The following MDC1 variants were observed in gnomAD, a reference collection of about 807,000 sequenced individuals.
The protein encoded by MDC1 is mediator of DNA damage checkpoint 1, also known as mediator of DNA damage checkpoint protein 1.
A neutral mutation model predicts 142.5 loss-of-function variants in MDC1; 81 were observed. The ratio of observed to expected loss-of-function variants is 0.57; its 90% confidence interval spans 0.47 to 0.68. The LOEUF (loss-of-function observed/expected upper bound fraction) is 0.68. Among genes scored for constraint, MDC1 ranks in the 30% least tolerant of loss-of-function variants. The pLI, the probability that MDC1 is intolerant of heterozygous loss-of-function variation, is 0.00. For missense variants in MDC1, 2,119 were observed against 2,547.9 expected (o/e 0.83, Z 3.62); for synonymous variants, 797 against 968.4 (o/e 0.82, Z 3.29).
chr6:30,705,474 C>G lies in MDC1; in HGVS notation c.3709G>C (p.Val1237Leu), dbSNP rs971412514. 1.2e-6 allele frequency: 2 copies of G among 1,604,424 alleles called. No homozygotes were observed. Among genetic ancestry groups the G allele is most frequent in the African/African-American group, 1.4e-5 (1 of 72,928 alleles). ...ATRGRKNRSSVKTPEPVVPTA... is the reference protein window; with the variant it reads ...ATRGRKNRSSLKTPEPVVPTA... ...GGGACAACTGGTTCAGGGGTCTTGA[C>G]AGAGGATCTATTTTTTCTTCCCCTA... is the stretch of plus-strand genomic sequence containing the variant. The change falls in exon 10 of 15, where the codon GTC (valine) becomes CTC (leucine). Residue 1237 changes from valine (V) to leucine (L), a missense_variant. By Grantham distance (32) the Val-to-Leu change is conservative. Transcript: ENST00000376406.
Position 30,713,372 on chromosome 6 carries a change from G to C in MDC1, c.588-18C>G. 1 of 1,541,688 alleles carries C rather than the reference G, an allele frequency of 6.5e-7. No individual in the cohort carries two copies. Among genetic ancestry groups the C allele is most frequent in the South Asian group, 1.2e-5 (1 of 80,534 alleles). ...CTTCATCACTGTGAAGGGAAGAAAA[G>C]AGAGTCTATAGAATTTATTTCCCTG... On this transcript the variant is annotated intron_variant, in intron 4 of 14. Coordinates refer to ENST00000376406, the MANE Select transcript of MDC1 (RefSeq NM_014641.3). The surrounding 1 kb of genome is among the most constrained non-coding windows in gnomAD (Gnocchi z 4.9).
intron 9 of MDC1, among the ~76,000 whole-genome samples, chr6:30,706,669 G>A (rs528081381): frequency 7.1e-6 from 1 of 140,936 alleles, no homozygotes; most frequent in South Asian, 2.3e-4. Flanking sequence ...GTTGGCAGGC[G>A]CCTAGTAGTC....
In MDC1 at chr6:30,702,548, C is replaced by A; in HGVS notation, c.6102+5G>T. 1 of 1,559,454 alleles carries A rather than the reference C, an allele frequency of 6.4e-7. No homozygotes were observed. Among genetic ancestry groups the A allele is most frequent in the Non-Finnish European group, 8.7e-7 (1 of 1,155,868 alleles). On this transcript the variant is annotated splice_donor_5th_base_variant and intron_variant, in intron 14 of 14. Transcript: ENST00000376406. ...TCACCCAGACCCAGAACATCCTAAG[C>A]ATACCTTATAGGACCGAGGCATGCT...
At position 30,712,800 on chromosome 6, in the gene MDC1, T is replaced by C; in HGVS notation, c.1142A>G (p.Glu381Gly). ...ESQAGSDTDV[E>G]EGKAPQAVPL... Reference sequence around the variant, plus strand: ...GACAGCCTGTGGGGCCTTGCCTTCTTCCACATCTGTATCACTACCAGCCTG... The same window carrying C: ...GACAGCCTGTGGGGCCTTGCCTTCTCCCACATCTGTATCACTACCAGCCTG... The change falls in exon 5 of 15, where the codon GAA becomes GGA. Residue 381 changes from glutamate to glycine, a missense_variant. Transcript: ENST00000376406. The surrounding 1 kb of genome is among the most constrained non-coding windows in gnomAD (Gnocchi z 4.7). The C allele has an allele frequency of 6.2e-7, 1 of 1,612,956 alleles. No homozygotes were observed.
Position 30,700,263 on chromosome 6 carries a change from T to C in MDC1, c.*202A>G, listed in dbSNP as rs1323332245. 1 of 453,218 alleles carries C rather than the reference T, an allele frequency of 2.2e-6. No individual in the cohort carries two copies. The allele number at this position is 453,218 out of a possible 1,614,324, so 28.1% of individuals were successfully genotyped here. On this transcript the variant is annotated 3_prime_UTR_variant, in exon 15 of 15. Coordinates refer to ENST00000376406, the MANE Select transcript of MDC1 (RefSeq NM_014641.3). ...AAATACAAATAAAATAAAATGGCCA[T>C]TAAAAAAACAAACAAACAAACAAAA...
At position 30,716,773 on chromosome 6, in the gene MDC1, A is replaced by G. The variant is rs138372816; in HGVS notation, c.-4+472T>C. On this transcript the variant is annotated intron_variant, in intron 1 of 14. Coordinates refer to ENST00000376406, the MANE Select transcript of MDC1 (RefSeq NM_014641.3). The surrounding 1 kb of genome is among the most constrained non-coding windows in gnomAD (Gnocchi z 4.4). Reference sequence around the variant, plus strand: ...TACCTGTTTGAAGTATTTGGTATACATCTGTGAACCAAACATGAAATCGAC... The same window carrying G: ...TACCTGTTTGAAGTATTTGGTATACGTCTGTGAACCAAACATGAAATCGAC... 4,669 of 285,518 alleles carry G rather than the reference A, an allele frequency of 0.016. 57 individuals carry two copies. The highest frequency in any genetic ancestry group is 0.059 in the South Asian group (442 of 7,470). 17.7% of individuals were successfully genotyped at this position (285,518 alleles called of 1,614,324 possible). A position where few individuals can be genotyped will look rare whatever the true frequency, so the allele number is the denominator to read the frequency against.
Position 30,703,760 on chromosome 6 carries a change from G to C in MDC1, c.5423C>G (p.Ser1808Cys). Residue 1808 changes from serine to cysteine, a missense_variant, in exon 10 of 15, where the codon TCT (serine) becomes TGT (cysteine). Ser to Cys is a moderately radical substitution (Grantham distance 112, BLOSUM62 -1). Coordinates refer to ENST00000376406, the MANE Select transcript of MDC1 (RefSeq NM_014641.3). The surrounding 1 kb of genome is among the most constrained non-coding windows in gnomAD (Gnocchi z 4.4). ...AGCTAAAGACCTCTTGCGGCTTTGAGAGGCCTTAGGCTGGAGCTCCGGGGT... is the reference window on the plus strand; with the variant it reads ...AGCTAAAGACCTCTTGCGGCTTTGACAGGCCTTAGGCTGGAGCTCCGGGGT... ...RFTPELQPKA[S>C]QSRKRSLATM... The C allele has an allele frequency of 6.4e-7, 1 of 1,551,240 alleles. No homozygotes were observed. The highest frequency in any genetic ancestry group is 8.7e-7 in the Non-Finnish European group (1 of 1,152,906).
intron 14 of MDC1, among the ~76,000 whole-genome samples, chr6:30,701,393 C>G (rs149086365): frequency 0.027 from 4,035 of 150,064 alleles, 82 homozygotes; most frequent in Middle Eastern, 0.092. Flanking sequence ...GAGTGAGACT[C>G]TCTCAAAAAA....
Position 30,713,756 on chromosome 6 carries a change from CTCATTAT to C in MDC1, c.517+40_518-40del. On this transcript the variant is annotated intron_variant, in intron 3 of 14. Coordinates refer to ENST00000376406, the MANE Select transcript of MDC1 (RefSeq NM_014641.3). This position sits in a 1 kb window ranked among gnomAD's most constrained non-coding sequence, Gnocchi z 4.9. ...AAAGGAATGAGTTGACAATTGTACACTCATTATTCCTGTCTCCTCATTCTCCCTGCCA... is the reference window on the plus strand; with the variant it reads ...AAAGGAATGAGTTGACAATTGTACACTCCTGTCTCCTCATTCTCCCTGCCA... 6.2e-7 allele frequency: 1 copy of C among 1,613,634 alleles called. No individual in the cohort carries two copies. Among genetic ancestry groups the C allele is most frequent in the Non-Finnish European group, 8.5e-7 (1 of 1,179,626 alleles).
At position 30,705,753 on chromosome 6, in the gene MDC1, G is replaced by A; in HGVS notation, c.3430C>T (p.Gln1144Ter). 2 of 1,613,378 alleles carry A rather than the reference G, an allele frequency of 1.2e-6. No individual in the cohort carries two copies. Among genetic ancestry groups the A allele is most frequent in the Non-Finnish European group, 1.7e-6 (2 of 1,179,568 alleles). The stretch of plus-strand genomic sequence containing the variant: ...CTATTTGTCCTGCTCCTAGTGGCCT[G>A]AGATGTGGGCTTGGGAGTGACTGGC... ...AQPVTPKPTS[Q>*]ATRSRTNRSS... The change falls in exon 10 of 15, where the codon CAG becomes TAG. Residue 1144 changes from glutamine to a stop codon, truncating the protein, a stop_gained. Transcript: ENST00000376406. LOFTEE classifies it high-confidence loss of function.
chr6:30,713,878 C>T lies in MDC1; in HGVS notation c.442G>A (p.Glu148Lys). ...TCTCCCTGTACTCTGGGTGTCTCTT[C>T]TACTGTCAGAGGGCCCCGGGAGACA... ...PFVSRGPLTVEETPRVQGETQ... is the reference protein window; with the variant it reads ...PFVSRGPLTVKETPRVQGETQ... Residue 148 changes from glutamate to lysine, a missense_variant, in exon 3 of 15, where the codon GAA (glutamate) becomes AAA (lysine). Transcript: ENST00000376406. This position sits in a 1 kb window ranked among gnomAD's most constrained non-coding sequence, Gnocchi z 4.9. The T allele has an allele frequency of 1.9e-6, 3 of 1,614,068 alleles. No individual in the cohort carries two copies. Among genetic ancestry groups the T allele is most frequent in the Non-Finnish European group, 2.5e-6 (3 of 1,180,036 alleles).
rs1383842367 is a variant in MDC1, at chr6:30,699,944, GA to G, written c.*520del. The G allele has an allele frequency of 1.8e-5, 4 of 225,768 alleles. No individual in the cohort carries two copies. Among genetic ancestry groups the G allele is most frequent in the Non-Finnish European group, 2.6e-5 (3 of 113,490 alleles). 14.0% of individuals were successfully genotyped at this position (225,768 alleles called of 1,614,324 possible). ...AAAGATGCTTCCAGAGGCCAGGAGA[GA>G]AGAAAATGTTTTAGTAGCACTCCAT... On this transcript the variant is annotated 3_prime_UTR_variant, in exon 15 of 15. Coordinates refer to ENST00000376406, the MANE Select transcript of MDC1 (RefSeq NM_014641.3).
At chr6:30,706,619 CTAAAAAA>C (rs1562100899) in intron 9 of MDC1, among the ~76,000 whole-genome samples, 1,933 of 40,472 alleles carry the variant, frequency 0.048, 29 homozygotes, top group South Asian at 0.23. Flanking sequence ...AAGACTCTGT[CTAAAAAA>C]AAAAAAAAAA....
At chr6:30,710,385 G>A (rs562728636) in intron 7 of MDC1, among the ~76,000 whole-genome samples, 51 of 151,944 alleles carry the variant, frequency 3.4e-4, no homozygotes, top group African/African-American at 1.2e-3. Context: ...CACTGTGCCC[G>A]GCCTACATTT....
chr6:30,706,034 TG>T lies in MDC1; in HGVS notation c.3148del (p.Gln1050LysfsTer66), dbSNP rs777994510. 4 of 1,598,098 alleles carry T rather than the reference TG, an allele frequency of 2.5e-6. No homozygotes were observed. ...CTGGCTCTGAGAGTTAAGGGGCTTT[TG>T]GGGTGGGGCTGGGGCTTCAGGTACT... ...PTVPEAPAPPQKPLNSQSQKH... is the reference protein window; with the variant it reads ...PTVPEAPAPPXKPLNSQSQKH... On this transcript the variant is annotated frameshift_variant, in exon 10 of 15. Coordinates refer to ENST00000376406, the MANE Select transcript of MDC1 (RefSeq NM_014641.3). LOFTEE classifies it high-confidence loss of function.
In MDC1 at chr6:30,700,490, G is replaced by A. The variant is rs1772434570; in HGVS notation, c.6245C>T (p.Ser2082Phe). Residue 2082 changes from serine to phenylalanine, a missense_variant, in exon 15 of 15, where the codon TCC becomes TTC. Transcript: ENST00000376406. ...QEAKPEAFVL[S>F]PLEMSST ...TCAGGTGGATGACATCTCCAAAGGG[G>A]AGAGGACAAAGGCCTCTGGCTTGGC... is the stretch of plus-strand genomic sequence containing the variant. 1 of 1,612,788 alleles carries A rather than the reference G, an allele frequency of 6.2e-7. No homozygotes were observed. The highest frequency in any genetic ancestry group is 1.7e-5 in the Admixed American group (1 of 59,982).
chr6:30,715,048 G>A lies in MDC1; in HGVS notation c.128C>T (p.Pro43Leu). Residue 43 changes from proline to leucine, a missense_variant, in exon 2 of 15, where the codon CCA becomes CTA. Physicochemically the swap from Pro to Leu is moderately conservative, Grantham distance 98 (BLOSUM62 -3). Transcript: ENST00000376406. The surrounding 1 kb of genome is among the most constrained non-coding windows in gnomAD (Gnocchi z 4.1). ...ATCCAATACCCTCTGACCTTTTTCT[G>A]GTCCATGGGCACCACTAAAGATATG... ...RLHIFSGAHGPEKDFPLHLGK... is the reference protein window; with the variant it reads ...RLHIFSGAHGLEKDFPLHLGK... The A allele has an allele frequency of 3.7e-6, 6 of 1,613,898 alleles. No homozygotes were observed. The highest frequency in any genetic ancestry group is 5.1e-6 in the Non-Finnish European group (6 of 1,179,962).
Position 30,712,190 on chromosome 6 carries a change from G to A in MDC1, c.1752C>T (p.Gly584=), listed in dbSNP as rs763977350. The A allele has an allele frequency of 1.9e-6, 3 of 1,612,770 alleles. No homozygotes were observed. The highest frequency in any genetic ancestry group is 3.3e-5 in the Admixed American group (2 of 60,026). The change falls in exon 5 of 15, where the codon GGC becomes GGT. Residue 584 remains glycine (G), a synonymous_variant. Transcript: ENST00000376406. This position sits in a 1 kb window ranked among gnomAD's most constrained non-coding sequence, Gnocchi z 4.7. ...CAACTACTGAGGCTGTTAGGGAGGT[G>A]CCCTCCTCTGCATCTGTTTCACAGT... ...HGDCETDAEE[G]TSLTASVVAD...
intron 14 of MDC1, 88 bp downstream of exon 14, chr6:30,702,465 C>T: frequency 9.6e-7 from 1 of 1,043,134 alleles, no homozygotes; most frequent in Non-Finnish European, 1.4e-6. Flanking sequence ...TCTGAACCTC[C>T]ATTTTTTTCC....
Sources: gnomAD v4.1 joint callset for allele counts (sites outside exome capture counted in the v4.1 genomes callset) on GRCh38, gnomAD v4.1.1 for gene constraint, Gnocchi (gnomAD v3.1) non-coding constraint, MANE v1.5 for transcripts, NCBI Gene and HGNC (gene_info 2026-07-23, HGNC 2026-07-21) for gene names.